CCDC150: variants seen among roughly 807,000 people sequenced by gnomAD.
The protein encoded by CCDC150 is coiled-coil domain-containing protein 150.
A neutral mutation model predicts 156.5 loss-of-function variants in CCDC150; 151 were observed. That is an observed-to-expected ratio of 0.97 (90% CI 0.85 to 1.10). The LOEUF (loss-of-function observed/expected upper bound fraction) is 1.10. Among genes scored for constraint, CCDC150 ranks in the 50% least tolerant of loss-of-function variants. The probability of loss-of-function intolerance (pLI) is 0.00; values close to 1 mark genes in which losing one functional copy is unlikely to be tolerated. For missense variants in CCDC150, 1,312 were observed against 1,268.1 expected, an observed-to-expected ratio of 1.03 and a Z score of -0.53; for synonymous variants, 452 against 429.4, an observed-to-expected ratio of 1.05 and a Z score of -0.65.
At chr2:196,664,647 A>G (rs1693737867) in intron 5 of CCDC150, among the ~76,000 whole-genome samples, 1 of 152,116 alleles carries the variant, frequency 6.6e-6, no homozygotes, top group South Asian at 2.1e-4. Context: ...GCCATTGATG[A>G]TCAACTTACC....
chr2:196,713,562 C>G (rs1697286537), intron 17 of CCDC150: 1 of 1,548,870 alleles, frequency 6.5e-7, no homozygotes, highest in Non-Finnish European at 8.7e-7. Context: ...TCTAGGATCT[C>G]TCTAAAGACT....
intron 15 of CCDC150, among the ~76,000 whole-genome samples, chr2:196,707,988 T>A (rs940080872): frequency 1.3e-5 from 2 of 152,152 alleles, no homozygotes; most frequent in African/African-American, 4.8e-5. Flanking sequence ...TTCTGTTGAT[T>A]TGGGGTGGAG....
In CCDC150 at chr2:196,710,942, G is replaced by A. The variant is rs533691214; in HGVS notation, c.1696-1203G>A. 2.6e-5 allele frequency among the ~76,000 whole-genome samples: 4 copies of A among 151,966 alleles called. No individual in the cohort carries two copies. In the South Asian group the frequency reaches 8.4e-4, roughly 32 times the overall value. ...CTGAAAGATTTCCAGCATTTTTAAA[G>A]TTGTTTTTAAACATATGTCAGTTTG... On this transcript the variant is annotated intron_variant, in intron 15 of 27. Coordinates refer to ENST00000389175, the MANE Select transcript of CCDC150 (RefSeq NM_001080539.2).
intron 2 of CCDC150, among the ~76,000 whole-genome samples, chr2:196,647,110 C>G (rs1692591755): frequency 6.6e-6 from 1 of 151,918 alleles, no homozygotes; most frequent in South Asian, 2.1e-4. Flanking sequence ...GAGTGTCTCT[C>G]AGGAAAGATA....
intron 3 of CCDC150, 35 bp downstream of exon 3, chr2:196,656,888 G>A: frequency 6.2e-7 from 1 of 1,610,822 alleles, no homozygotes; most frequent in Non-Finnish European, 8.5e-7. Context: ...ATGTGGTCCT[G>A]TATAGGTGCT....
intron 22 of CCDC150, 30 bp from the exon 23 acceptor site, chr2:196,729,163 A>G (rs751954224): frequency 1.3e-6 from 2 of 1,562,716 alleles, no homozygotes; most frequent in Non-Finnish European, 8.6e-7. Flanking sequence ...GAAAGTAAAA[A>G]TGTTTCAATT....
Position 196,732,054 on chromosome 2 carries a change from G to A in CCDC150, c.3091G>A (p.Ala1031Thr). The change falls in exon 27 of 28, where the codon GCT becomes ACT. Residue 1031 changes from alanine (A) to threonine (T), a missense_variant. Coordinates refer to ENST00000389175, the MANE Select transcript of CCDC150 (RefSeq NM_001080539.2). ...TCAGATAACAGCTAATCTGGAAGAAGCTCATCGCTGGTTTAAGCACAGGTT... is the reference window on the plus strand; with the variant it reads ...TCAGATAACAGCTAATCTGGAAGAAACTCATCGCTGGTTTAAGCACAGGTT... Reference protein sequence around the residue: ...SEQITANLEEAHRWFKHRFDG... With the variant: ...SEQITANLEETHRWFKHRFDG... 1.2e-6 allele frequency: 2 copies of A among 1,613,776 alleles called. No homozygotes were observed. The highest frequency in any genetic ancestry group is 1.7e-6 in the Non-Finnish European group (2 of 1,179,762).
chr2:196,701,288 C>A, intron 15 of CCDC150, 108 bp downstream of exon 15: 1 of 763,714 alleles, frequency 1.3e-6, no homozygotes, highest in Non-Finnish European at 2.1e-6. Flanking sequence ...TTTACTAAGT[C>A]TATAGTCTCT....
chr2:196,730,285 G>A (rs1483015569), intron 25 of CCDC150, among the ~76,000 whole-genome samples, 167 bp downstream of exon 25: 3 of 152,220 alleles, frequency 2.0e-5, no homozygotes, highest in African/African-American at 4.8e-5. Context: ...GAAGAAGGCT[G>A]TAGTTTGAAT....
chr2:196,729,813 G>A lies in CCDC150; in HGVS notation c.2772G>A (p.Lys924=), dbSNP rs1324646048. ...ERMKQIEKEL[K]QMELIKDQYQ... ...TTTAGCAAATAGAAAAAGAATTGAA[G>A]CAAATGGAGCTAATTAAGGATCAAT... The change falls in exon 24 of 28, where the codon AAG becomes AAA. Residue 924 remains lysine, a synonymous_variant. Coordinates refer to ENST00000389175, the MANE Select transcript of CCDC150 (RefSeq NM_001080539.2). 2.5e-6 allele frequency: 4 copies of A among 1,583,086 alleles called. No homozygotes were observed. The East Asian group carries it at 9.0e-5, about 35-fold the overall frequency.
Position 196,677,318 on chromosome 2 carries a change from T to A in CCDC150, c.1466T>A (p.Val489Glu). 6.4e-7 allele frequency: 1 copy of A among 1,570,464 alleles called. No individual in the cohort carries two copies. Among genetic ancestry groups the A allele is most frequent in the Non-Finnish European group, 8.6e-7 (1 of 1,156,460 alleles). The change falls in exon 13 of 28, where the codon GTG becomes GAG. Residue 489 changes from valine (V) to glutamate (E), a missense_variant. Val to Glu is a moderately radical substitution (Grantham distance 121). Transcript: ENST00000389175. ...GTTAATAAAACAGAAAAAGAAATAG[T>A]GCAAGAAAGATGCAATTTGGAAAAG... The part of the protein sequence containing the change: ...REVNKTEKEI[V>E]QERCNLEKEL...
chr2:196,646,548 T>C, intron 2 of CCDC150, 44 bp downstream of exon 2: 1 of 1,500,074 alleles, frequency 6.7e-7, no homozygotes, highest in Non-Finnish European at 9.3e-7. Flanking sequence ...AGAATTTTGC[T>C]TCACTGCTTA....
At chr2:196,695,234 G>A (rs1054374436) in intron 14 of CCDC150, 75 bp downstream of exon 14, 9 of 709,402 alleles carry the variant, frequency 1.3e-5, no homozygotes, top group Non-Finnish European at 1.9e-5. Context: ...CAGAGGTCAG[G>A]AGATGGGTTT....
At chr2:196,684,554 G>A (rs963883300) in intron 13 of CCDC150, among the ~76,000 whole-genome samples, 2 of 152,050 alleles carry the variant, frequency 1.3e-5, no homozygotes, top group Non-Finnish European at 2.9e-5. Context: ...ATAGGTGTCC[G>A]TTAGGTCTAC....
At position 196,695,075 on chromosome 2, in the gene CCDC150, G is replaced by C; in HGVS notation, c.1539G>C (p.Leu513=). Residue 513 remains leucine, a synonymous_variant, in exon 14 of 28, where the codon CTG becomes CTC. Coordinates refer to ENST00000389175, the MANE Select transcript of CCDC150 (RefSeq NM_001080539.2). The part of the protein sequence containing the change: ...KVDINTLTHN[L]QTLEEENKHL... ...ACATAAATACATTAACTCATAACCTGCAGACTCTTGAAGAAGAGAATAAGC... is the reference window on the plus strand; with the variant it reads ...ACATAAATACATTAACTCATAACCTCCAGACTCTTGAAGAAGAGAATAAGC... The C allele has an allele frequency of 1.2e-6, 2 of 1,609,150 alleles. No homozygotes were observed. Among genetic ancestry groups the C allele is most frequent in the Non-Finnish European group, 1.7e-6 (2 of 1,176,690 alleles).
At chr2:196,688,324 A>T (rs534577593) in intron 13 of CCDC150, among the ~76,000 whole-genome samples, 1 of 152,214 alleles carries the variant, frequency 6.6e-6, no homozygotes, top group South Asian at 2.1e-4. Flanking sequence ...CCTACCTAGT[A>T]GCTGTATTCC....
At chr2:196,655,862 T>C (rs1245267744) in intron 2 of CCDC150, among the ~76,000 whole-genome samples, 1 of 152,008 alleles carries the variant, frequency 6.6e-6, no homozygotes, top group Non-Finnish European at 1.5e-5. Context: ...AGACTGGAGT[T>C]ATTGATGGAG....
At chr2:196,715,530 G>A (rs1006551638) in intron 17 of CCDC150, among the ~76,000 whole-genome samples, 8 of 152,078 alleles carry the variant, frequency 5.3e-5, no homozygotes, top group African/African-American at 1.9e-4. Context: ...TAATCTTTTT[G>A]TACTTTAAAA....
At chr2:196,654,924 G>C (rs1206762913) in intron 2 of CCDC150, among the ~76,000 whole-genome samples, 1 of 152,062 alleles carries the variant, frequency 6.6e-6, no homozygotes, top group Non-Finnish European at 1.5e-5. Context: ...TCAAATCTCT[G>C]TGTACAATCT....
Sources: gnomAD v4.1 joint callset for allele counts (sites outside exome capture counted in the v4.1 genomes callset) on GRCh38, gnomAD v4.1.1 for gene constraint, MANE v1.5 for transcripts, NCBI Gene and HGNC (gene_info 2026-07-23, HGNC 2026-07-21) for gene names.